NAALADL2: variants seen among roughly 807,000 people sequenced by gnomAD.
NAALADL2 encodes N-acetylated alpha-linked acidic dipeptidase like 2, also known as inactive N-acetylated-alpha-linked acidic dipeptidase-like protein 2.
In NAALADL2, 76 loss-of-function variants were observed where a neutral mutation model predicts 87.2. That is an observed-to-expected ratio of 0.87 (90% CI 0.72 to 1.05). The LOEUF (loss-of-function observed/expected upper bound fraction) is 1.05, where lower values mean the gene tolerates loss of function less well. Ranked by LOEUF, NAALADL2 falls within the 50% of genes least tolerant of loss-of-function variation. The pLI, the probability that NAALADL2 is intolerant of heterozygous loss-of-function variation, is 0.00. For missense variants in NAALADL2, 1,089 were observed against 945.8 expected (o/e 1.15, Z -1.99); for synonymous variants, 354 against 331.0 (o/e 1.07, Z -0.75).
At chr3:175,628,125 C>T (rs1014180062) in intron 11 of NAALADL2, among the ~76,000 whole-genome samples, 7 of 151,808 alleles carry the variant, frequency 4.6e-5, no homozygotes, top group East Asian at 1.9e-4. Flanking sequence ...AAAAACACTA[C>T]GCATTTAGTA....
At chr3:174,620,991 G>T (rs1385900864) in intron 2 of NAALADL2, among the ~76,000 whole-genome samples, 2 of 151,952 alleles carry the variant, frequency 1.3e-5, no homozygotes, top group African/African-American at 4.8e-5. Context: ...CTAACCTTAG[G>T]TAAACTGAAT....
intron 10 of NAALADL2, among the ~76,000 whole-genome samples, chr3:175,620,750 A>G (rs893965702): frequency 6.6e-6 from 1 of 152,098 alleles, no homozygotes; most frequent in Non-Finnish European, 1.5e-5. Context: ...TCGTGCCTGC[A>G]CATGTTGCCG....
chr3:175,069,678 C>T (rs1308853972), intron 1 of NAALADL2, among the ~76,000 whole-genome samples: 1 of 151,656 alleles, frequency 6.6e-6, no homozygotes, highest in South Asian at 2.1e-4. Context: ...ACCCAAAGGA[C>T]TATAAATCAT....
At chr3:175,148,940 T>C (rs1731163903) in intron 2 of NAALADL2, among the ~76,000 whole-genome samples, 1 of 152,200 alleles carries the variant, frequency 6.6e-6, no homozygotes, top group Non-Finnish European at 1.5e-5. Flanking sequence ...AGGCTCTTTT[T>C]TGGTTCCATA....
At chr3:174,799,494 A>G (rs2861847) in intron 3 of NAALADL2, among the ~76,000 whole-genome samples, 36,238 of 152,062 alleles carry the variant, frequency 0.24, 4,624 homozygotes, top group Middle Eastern at 0.29. Flanking sequence ...GCTGCCATCC[A>G]TGTAAGATGT....
At chr3:175,519,703 C>T (rs968578344) in intron 9 of NAALADL2, among the ~76,000 whole-genome samples, 24 of 151,778 alleles carry the variant, frequency 1.6e-4, no homozygotes, top group African/African-American at 3.6e-4. Flanking sequence ...TCCTATTCAC[C>T]GAAATAAAAG....
intron 6 of NAALADL2, among the ~76,000 whole-genome samples, chr3:175,450,321 A>C (rs1721376684): frequency 1.3e-5 from 2 of 152,184 alleles, no homozygotes; most frequent in Non-Finnish European, 2.9e-5. Context: ...GGATAAAAGA[A>C]ATAATTTAAA....
At chr3:175,032,128 C>T (rs533995550) in intron 1 of NAALADL2, among the ~76,000 whole-genome samples, 1 of 151,824 alleles carries the variant, frequency 6.6e-6, no homozygotes, top group Non-Finnish European at 1.5e-5. Context: ...TTAAGTCCTA[C>T]TTATCAATTT....
intron 11 of NAALADL2, among the ~76,000 whole-genome samples, chr3:175,716,331 T>A (rs1043994109): frequency 7.5e-5 from 11 of 145,944 alleles, no homozygotes; most frequent in Non-Finnish European, 1.6e-4. Context: ...TACAGATATA[T>A]ATGTGTATAT....
intron 1 of NAALADL2, among the ~76,000 whole-genome samples, chr3:174,995,620 G>A (rs757830959): frequency 1.1e-4 from 17 of 151,926 alleles, no homozygotes; most frequent in Admixed American, 9.2e-4. Context: ...AATGAGTAAC[G>A]GAATTGTTCA....
intron 5 of NAALADL2, among the ~76,000 whole-genome samples, chr3:175,409,442 T>C (rs935804254): frequency 2.6e-5 from 4 of 151,916 alleles, no homozygotes; most frequent in East Asian, 1.9e-4. Flanking sequence ...TTATGATGAG[T>C]GGATCTTACC....
At chr3:175,720,351 A>G (rs2150031428) in intron 11 of NAALADL2, among the ~76,000 whole-genome samples, 1 of 152,290 alleles carries the variant, frequency 6.6e-6, no homozygotes, top group Non-Finnish European at 1.5e-5. Flanking sequence ...AATCAGTGAA[A>G]TTAAAAATAC....
intron 2 of NAALADL2, among the ~76,000 whole-genome samples, chr3:175,158,978 CAT>C (rs1271564872): frequency 2.6e-5 from 4 of 151,990 alleles, no homozygotes; most frequent in South Asian, 4.1e-4. Context: ...TCAGAATGAA[CAT>C]GTGATAAAGT....
intron 5 of NAALADL2, among the ~76,000 whole-genome samples, chr3:175,417,041 AT>A (rs1169830428): frequency 6.6e-6 from 1 of 151,008 alleles, no homozygotes; most frequent in Non-Finnish European, 1.5e-5. Flanking sequence ...AATAATTAAA[AT>A]ATTTATAAAT....
chr3:174,921,816 A>AG (rs1560367117), intron 1 of NAALADL2, among the ~76,000 whole-genome samples: 1 of 125,552 alleles, frequency 8.0e-6, no homozygotes, highest in Non-Finnish European at 1.6e-5. Flanking sequence ...AAAAAAAAAA[A>AG]AAAAAGAAAA....
chr3:175,267,984 GT>G (rs1204742436), intron 4 of NAALADL2, among the ~76,000 whole-genome samples: 3 of 152,112 alleles, frequency 2.0e-5, no homozygotes, highest in African/African-American at 7.2e-5. Flanking sequence ...TATTGTTATT[GT>G]TTTGTAACCA....
intron 13 of NAALADL2, among the ~76,000 whole-genome samples, chr3:175,793,532 G>T (rs368850199): frequency 1.3e-5 from 2 of 151,718 alleles, no homozygotes; most frequent in African/African-American, 4.8e-5. Flanking sequence ...AGCCAGAATG[G>T]CCTCAATCTC....
intron 11 of NAALADL2, among the ~76,000 whole-genome samples, chr3:175,712,270 TAA>T (rs1740634097): frequency 1.3e-5 from 2 of 152,178 alleles, no homozygotes; most frequent in Non-Finnish European, 2.9e-5. Flanking sequence ...ATGAGATTAA[TAA>T]GTTACATTTA....
chr3:175,573,814 T>C (rs975100113), intron 9 of NAALADL2, among the ~76,000 whole-genome samples: 2 of 152,076 alleles, frequency 1.3e-5, no homozygotes, highest in African/African-American at 4.8e-5. Flanking sequence ...AAGAAGCAAA[T>C]TGCTGGTGGG....
Sources: allele counts gnomAD v4.1 joint callset (sites outside exome capture counted in the v4.1 genomes callset), GRCh38; gene constraint gnomAD v4.1.1; transcripts MANE v1.5; gene names NCBI Gene and HGNC (gene_info 2026-07-23, HGNC 2026-07-21).